THAP8: variants seen among roughly 807,000 people sequenced by gnomAD.
THAP8 encodes THAP domain containing 8.
THAP8 carries 24 observed loss-of-function variants against 25.0 expected under a neutral mutation model. The observed-to-expected ratio is 0.96, with a 90% CI of 0.69 to 1.35. THAP8 has a LOEUF of 1.35. Among genes scored for constraint, THAP8 ranks in the 40% most tolerant of loss-of-function variants. THAP8 has a pLI of 0.00. For missense variants in THAP8, 399 were observed against 368.8 expected (o/e 1.08, Z -0.67); for synonymous variants, 169 against 157.6 (o/e 1.07, Z -0.54).
intron 1 of THAP8, among the ~76,000 whole-genome samples, chr19:36,053,123 A>G (rs1298789363): frequency 6.6e-6 from 1 of 152,026 alleles, no homozygotes; most frequent in Non-Finnish European, 1.5e-5. Flanking sequence ...GCTGGATTGC[A>G]GTGGCCTCAT....
upstream of THAP8, chr19:36,054,289 C>T (rs1219831024): frequency 5.3e-6 from 8 of 1,513,782 alleles, no homozygotes; most frequent in Non-Finnish European, 7.2e-6. Context: ...GCCGCCTAAC[C>T]CCGCCCCACC....
rs1030345557 is a variant in THAP8, at chr19:36,039,509, A to G, written c.486T>C (p.Pro162=). 1.9e-6 allele frequency: 3 copies of G among 1,578,048 alleles called. No individual in the cohort carries two copies. Among genetic ancestry groups the G allele is most frequent in the African/African-American group, 2.7e-5 (2 of 73,868 alleles). The change falls in exon 3 of 4, where the codon CCT becomes CCC. Residue 162 remains proline (P), a synonymous_variant. Transcript: ENST00000292894. ...TCTGGGCCTGTTGGGCAGGGACTTC[A>G]GGTTGTGACCGCTCAGGAGTTGGCG... The part of the protein sequence containing the change: ...APAPTPERSQ[P]EVPAQQAQTG...
intron 3 of THAP8, among the ~76,000 whole-genome samples, chr19:36,038,013 C>T (rs1003628873): frequency 1.3e-5 from 2 of 151,724 alleles, no homozygotes; most frequent in East Asian, 1.9e-4. Context: ...GGTGCCATCT[C>T]GGCTTACTGC....
At chr19:36,051,476 G>A (rs1183231225) in intron 1 of THAP8, among the ~76,000 whole-genome samples, 2 of 152,140 alleles carry the variant, frequency 1.3e-5, no homozygotes, top group Non-Finnish European at 2.9e-5. Flanking sequence ...GCAGGGAACA[G>A]ACTGGGGGTG....
intron 1 of THAP8, among the ~76,000 whole-genome samples, chr19:36,040,483 C>G (rs546694132): frequency 1.3e-5 from 2 of 152,102 alleles, no homozygotes; most frequent in East Asian, 3.9e-4. Context: ...CACGCCACCA[C>G]GCCCGGCTAA....
At chr19:36,046,276 T>C (rs1015956311) in intron 1 of THAP8, among the ~76,000 whole-genome samples, 2 of 152,202 alleles carry the variant, frequency 1.3e-5, no homozygotes, top group Non-Finnish European at 2.9e-5. Flanking sequence ...TGCACCATGA[T>C]TGTAAGTTTC....
chr19:36,050,076 T>A (rs1017792884), intron 1 of THAP8, among the ~76,000 whole-genome samples: 34 of 144,810 alleles, frequency 2.3e-4, no homozygotes, highest in Admixed American at 2.1e-3. Context: ...AAAAAAAAGA[T>A]GATGGCAGCC....
At position 36,040,038 on chromosome 19, in the gene THAP8, T is replaced by C. The variant is rs756214812; in HGVS notation, c.182A>G (p.His61Arg). The change falls in exon 2 of 4, where the codon CAC (histidine) becomes CGC (arginine). Residue 61 changes from histidine (H) to arginine (R), a missense_variant. Transcript: ENST00000292894. ...CCACTGGAAGCAGGAGGGTGTGAAG[T>C]GCTCGCTGCACAAGTGCTGGTGGCA... Reference protein sequence around the residue: ...PSCHQHLCSEHFTPSCFQWRW... With the variant: ...PSCHQHLCSERFTPSCFQWRW... 5.0e-6 allele frequency: 8 copies of C among 1,613,658 alleles called. No individual in the cohort carries two copies. The East Asian group carries it at 1.8e-4, about 36-fold the overall frequency.
rs745636819 is a variant in THAP8 at position 36,039,605 on chromosome 19, T to C, written c.390A>G (p.Leu130=). 29 of 1,511,886 alleles carry C rather than the reference T, an allele frequency of 1.9e-5. No individual in the cohort carries two copies. The highest frequency in any genetic ancestry group is 2.8e-5 in the African/African-American group (2 of 71,900). The allele number at this position is 1,511,886 out of a possible 1,614,324, so 93.7% of individuals were successfully genotyped here. ...TCCCCGATGTGGGGCCCAGCACCAC[T>C]AGGCGCACTGGGCCAGAGACTGGGA... is the stretch of plus-strand genomic sequence containing the variant. The part of the protein sequence containing the change: ...PAIPVSGPVR[L]VVLGPTSGSP... The change falls in exon 3 of 4, where the codon CTA becomes CTG. Residue 130 remains leucine (L), a synonymous_variant. Transcript: ENST00000292894.
upstream of THAP8, chr19:36,054,339 C>T: frequency 1.7e-6 from 2 of 1,197,298 alleles, no homozygotes; most frequent in South Asian, 2.7e-5. Context: ...CGTGGAGTCT[C>T]GTCACGTACC....
At chr19:36,036,935 CTT>C (rs1156899024) in intron 3 of THAP8, among the ~76,000 whole-genome samples, 1 of 114,828 alleles carries the variant, frequency 8.7e-6, no homozygotes, top group African/African-American at 3.5e-5. Flanking sequence ...AGCAAGACTC[CTT>C]CTCAAAAAAA....
chr19:36,035,739 C>T (rs1000204745), intron 3 of THAP8, 147 bp from the exon 4 acceptor site: 2 of 857,836 alleles, frequency 2.3e-6, no homozygotes, highest in African/African-American at 3.4e-5. Context: ...TATGAGGAGA[C>T]AGGAAAGCAG....
intron 1 of THAP8, among the ~76,000 whole-genome samples, chr19:36,049,456 G>A (rs762391554): frequency 2.6e-5 from 4 of 151,936 alleles, no homozygotes; most frequent in African/African-American, 4.8e-5. Flanking sequence ...TTCCCTCAAT[G>A]TGTCTCATCT....
At chr19:36,054,414 T>C, upstream of THAP8, 1 of 641,722 alleles carries the variant, frequency 1.6e-6, no homozygotes, top group South Asian at 1.8e-5. Context: ...CCCGCCCTCG[T>C]CACGTGACGA....
upstream of THAP8, chr19:36,054,513 A>C: frequency 1.8e-6 from 1 of 567,832 alleles, no homozygotes; most frequent in Non-Finnish European, 3.2e-6. Context: ...GGGCGGCGTC[A>C]CGGCGTTTCT....
chr19:36,040,000 G>A lies in THAP8; in HGVS notation c.220C>T (p.Arg74Cys), dbSNP rs760105221. The A allele has an allele frequency of 6.6e-5, 107 of 1,613,562 alleles. No individual in the cohort carries two copies. The highest frequency in any genetic ancestry group is 7.9e-5 in the Non-Finnish European group (93 of 1,179,966). The change falls in exon 2 of 4, where the codon CGC becomes TGC. Residue 74 changes from arginine (R) to cysteine (C), a missense_variant. Transcript: ENST00000292894. ...PSCFQWRWGV[R>C]YLRPDAVPSI... ...GGCACTGCATCAGGCCGCAGGTAGC[G>A]CACACCCCAGCGCCACTGGAAGCAG...
intron 3 of THAP8, among the ~76,000 whole-genome samples, chr19:36,036,924 G>C (rs1001307431): frequency 2.1e-4 from 28 of 136,364 alleles, no homozygotes; most frequent in African/African-American, 6.5e-4. Context: ...CTGGGCAACA[G>C]AGCAAGACTC....
intron 1 of THAP8, among the ~76,000 whole-genome samples, chr19:36,052,025 T>TTTTG (rs1458040659): frequency 2.0e-5 from 3 of 152,038 alleles, no homozygotes; most frequent in East Asian, 1.9e-4. Flanking sequence ...TCCATTTTTT[T>TTTTG]TTTGTTTGTT....
chr19:36,036,803 T>C (rs987151859), intron 3 of THAP8, among the ~76,000 whole-genome samples: 6 of 152,108 alleles, frequency 3.9e-5, no homozygotes, highest in Admixed American at 3.9e-4. Context: ...TAGCTGGGCA[T>C]GGTGGCACGT....
Sources: allele counts gnomAD v4.1 joint callset (sites outside exome capture counted in the v4.1 genomes callset), GRCh38; gene constraint gnomAD v4.1.1; transcripts MANE v1.5; gene names NCBI Gene and HGNC (gene_info 2026-07-23, HGNC 2026-07-21).